FZR1: variants seen among roughly 807,000 people sequenced by gnomAD.
FZR1 encodes the protein fizzy and cell division cycle 20 related 1.
FZR1 carries 11 observed loss-of-function variants against 63.6 expected under a neutral mutation model. The observed-to-expected ratio is 0.17, with a 90% CI of 0.11 to 0.29. FZR1 has a LOEUF of 0.29. Among genes scored for constraint, FZR1 ranks in the 10% least tolerant of loss-of-function variants. FZR1 has a pLI of 1.00. For missense variants in FZR1, 440 were observed against 687.5 expected (o/e 0.64, Z 4.03); for synonymous variants, 328 against 297.9 (o/e 1.10, Z -1.04).
chr19:3,534,620 C>T, intron 13 of FZR1, 107 bp downstream of exon 13: 1 of 916,718 alleles, frequency 1.1e-6, no homozygotes, highest in Non-Finnish European at 1.7e-6. Flanking sequence ...TCCCCCACTT[C>T]CGAGCTTCCC....
At chr19:3,532,122 C>G (rs1171143490) in intron 10 of FZR1, 27 bp downstream of exon 10, 5 of 1,477,000 alleles carry the variant, frequency 3.4e-6, no homozygotes, top group South Asian at 2.6e-5. Flanking sequence ...CCTGGGCTTC[C>G]CCTTCACCAG....
Position 3,527,649 on chromosome 19 carries a change from C to T in FZR1, c.489C>T (p.Ser163=), listed in dbSNP as rs775557796. The change falls in exon 7 of 14, where the codon TCC becomes TCT. Residue 163 remains serine, a synonymous_variant. Coordinates refer to ENST00000441788, the MANE Select transcript of FZR1 (RefSeq NM_016263.4). ...TCTGCAGCCAGAAGCTGCTCCGGTC[C>T]CCCCGGAAACCCACCCGCAAGATCT... ...VSNKSQKLLR[S]PRKPTRKISK... 5.6e-6 allele frequency: 9 copies of T among 1,609,302 alleles called. No individual in the cohort carries two copies. In the Admixed American group the frequency reaches 6.7e-5, roughly 12 times the overall value.
chr19:3,507,443 T>C (rs1250859520), intron 1 of FZR1, among the ~76,000 whole-genome samples: 2 of 151,616 alleles, frequency 1.3e-5, no homozygotes, highest in Non-Finnish European at 2.9e-5. Flanking sequence ...GATATGCAGA[T>C]GTTCAGCCTA....
chr19:3,523,110 T>G, intron 2 of FZR1, 52 bp downstream of exon 2: 1 of 1,127,364 alleles, frequency 8.9e-7, no homozygotes, highest in Non-Finnish European at 1.4e-6. Context: ...CCCAGCTGCC[T>G]CTGCCCTGGC....
At position 3,529,201 on chromosome 19, in the gene FZR1, G is replaced by A. The variant is rs1056735049; in HGVS notation, c.654+1387G>A. ...GGTTGGGAGAGCGGATGGGAGAGCGGATGAGAGAGTGGATGGTTGAGCGGA... is the reference window on the plus strand; with the variant it reads ...GGTTGGGAGAGCGGATGGGAGAGCGAATGAGAGAGTGGATGGTTGAGCGGA... On this transcript the variant is annotated intron_variant, in intron 7 of 13. Coordinates refer to ENST00000441788, the MANE Select transcript of FZR1 (RefSeq NM_016263.4). Among the ~76,000 whole-genome samples, 15 of 144,946 alleles carry A rather than the reference G, an allele frequency of 1.0e-4. No individual in the cohort carries two copies. In the South Asian group the frequency reaches 1.6e-3, roughly 15 times the overall value.
At chr19:3,509,601 C>T (rs2083010258) in intron 1 of FZR1, among the ~76,000 whole-genome samples, 1 of 152,220 alleles carries the variant, frequency 6.6e-6, no homozygotes, top group African/African-American at 2.4e-5. Context: ...CTCATTCCCT[C>T]AGGAAGAAAC....
In FZR1 at chr19:3,522,983, C is replaced by G. The variant is rs754927611; in HGVS notation, c.-7C>G. The stretch of plus-strand genomic sequence containing the variant: ...TAACCTTGCCGCGGGCCGAGCCCTG[C>G]CTCGCCATGGACCAGGACTATGAGC... On this transcript the variant is annotated 5_prime_UTR_variant, in exon 2 of 14. Transcript: ENST00000441788. The G allele has an allele frequency of 2.5e-6, 4 of 1,606,146 alleles. No individual in the cohort carries two copies. Among genetic ancestry groups the G allele is most frequent in the South Asian group, 1.1e-5 (1 of 90,986 alleles).
chr19:3,531,439 C>T (rs1330711538), intron 8 of FZR1, among the ~76,000 whole-genome samples: 1 of 152,248 alleles, frequency 6.6e-6, no homozygotes. Flanking sequence ...GTTTCTCCTT[C>T]CCTCTGTGTG....
At position 3,531,891 on chromosome 19, in the gene FZR1, C is replaced by T. The variant is rs545704385; in HGVS notation, c.824-20C>T. The stretch of plus-strand genomic sequence containing the variant: ...CGCGAGGGCAGGAGAGGCTCACCCC[C>T]GCTTCCACCTGGCCTCCAGGGGCGC... On this transcript the variant is annotated intron_variant, in intron 9 of 13. Transcript: ENST00000441788. 31 of 1,581,404 alleles carry T rather than the reference C, an allele frequency of 2.0e-5. No homozygotes were observed. The highest frequency in any genetic ancestry group is 1.8e-4 in the East Asian group (8 of 43,302).
chr19:3,512,538 C>T (rs957071225), intron 1 of FZR1, among the ~76,000 whole-genome samples: 1 of 152,212 alleles, frequency 6.6e-6, no homozygotes, highest in Non-Finnish European at 1.5e-5. Context: ...CTGCTAGAAC[C>T]TTTTCATGGG....
At position 3,529,979 on chromosome 19, in the gene FZR1, GGAGTGGATGGTT is replaced by G. The variant is rs1157590899; in HGVS notation, c.655-802_655-791del. Among the ~76,000 whole-genome samples the G allele has an allele frequency of 7.4e-3, 892 of 120,966 alleles. 53 individuals are homozygous for G. Among genetic ancestry groups the G allele is most frequent in the African/African-American group, 0.026 (773 of 30,046 alleles). 79.4% of individuals were successfully genotyped at this position (120,966 alleles called of 152,430 possible). A position where few individuals can be genotyped will look rare whatever the true frequency, so the allele number is the denominator to read the frequency against. ...GCAAGAGTGGATGAGAGTGGTTGAG[GGAGTGGATGGTT>G]GAGTGGATGGGAGAGCAGATGGGTG... On this transcript the variant is annotated intron_variant, in intron 7 of 13. Coordinates refer to ENST00000441788, the MANE Select transcript of FZR1 (RefSeq NM_016263.4).
At chr19:3,519,498 C>T (rs763068540) in intron 1 of FZR1, among the ~76,000 whole-genome samples, 2 of 152,202 alleles carry the variant, frequency 1.3e-5, no homozygotes, top group African/African-American at 2.4e-5. Context: ...CGCCGCTTGG[C>T]TCTGGGACTC....
In FZR1 at chr19:3,516,242, G is replaced by A. The variant is rs750063093; in HGVS notation, c.-34-6714G>A. Among the ~76,000 whole-genome samples, 3 of 152,200 alleles carry A rather than the reference G, an allele frequency of 2.0e-5. No individual in the cohort carries two copies. Among genetic ancestry groups the A allele is most frequent in the Non-Finnish European group, 2.9e-5 (2 of 68,040 alleles). On this transcript the variant is annotated intron_variant, in intron 1 of 13. Transcript: ENST00000441788. The surrounding 1 kb of genome is among the most constrained non-coding windows in gnomAD (Gnocchi z 6.0). ...CCCCCAGCCCACAGCCTCCCCCACC[G>A]TCTGACGGGCGGGAGGGTGGTGTCC... is the stretch of plus-strand genomic sequence containing the variant.
chr19:3,513,717 G>A (rs1483662808), intron 1 of FZR1, among the ~76,000 whole-genome samples: 1 of 152,120 alleles, frequency 6.6e-6, no homozygotes, highest in Non-Finnish European at 1.5e-5. Flanking sequence ...GGCTCTGGTC[G>A]GTGTTCCCTC....
chr19:3,517,839 T>C (rs541788520), intron 1 of FZR1, among the ~76,000 whole-genome samples: 1 of 151,604 alleles, frequency 6.6e-6, no homozygotes, highest in Admixed American at 6.6e-5. Flanking sequence ...TGCTGTGATT[T>C]GTAACTAAAC....
In FZR1 at chr19:3,516,606, C is replaced by G. The variant is rs2083060486; in HGVS notation, c.-34-6350C>G. On this transcript the variant is annotated intron_variant, in intron 1 of 13. Coordinates refer to ENST00000441788, the MANE Select transcript of FZR1 (RefSeq NM_016263.4). This position sits in a 1 kb window ranked among gnomAD's most constrained non-coding sequence, Gnocchi z 6.0. ...TCCAGGTGAGGTGCCCCGGGAGGCC[C>G]CAGGCCCGGGATACAGGACCCTCCA... Among the ~76,000 whole-genome samples the G allele has an allele frequency of 6.6e-6, 1 of 152,002 alleles. No homozygotes were observed. The highest frequency in any genetic ancestry group is 2.1e-4 in the South Asian group (1 of 4,804).
rs749237224 is a variant in FZR1, at chr19:3,531,827, C to G, written c.823+11C>G. The G allele has an allele frequency of 9.0e-6, 14 of 1,549,644 alleles. No individual in the cohort carries two copies. In the Middle Eastern group the frequency reaches 2.2e-3, roughly 238 times the overall value. ...ACACGGCACGCGTCGGTGAGGAGCCCGGGTCCCATGGCTGGTGAGCTCCCT... is the reference window on the plus strand; with the variant it reads ...ACACGGCACGCGTCGGTGAGGAGCCGGGGTCCCATGGCTGGTGAGCTCCCT... On this transcript the variant is annotated intron_variant, in intron 9 of 13. Coordinates refer to ENST00000441788, the MANE Select transcript of FZR1 (RefSeq NM_016263.4).
At chr19:3,523,312 G>T (rs539964474) in intron 2 of FZR1, among the ~76,000 whole-genome samples, 5 of 152,232 alleles carry the variant, frequency 3.3e-5, no homozygotes, top group Non-Finnish European at 7.3e-5. Context: ...TGGGGCGGCC[G>T]CATGGGCAGA....
intron 12 of FZR1, 46 bp from the exon 13 acceptor site, chr19:3,534,375 G>T (rs761006156): frequency 9.3e-7 from 1 of 1,078,884 alleles, no homozygotes; most frequent in Non-Finnish European, 1.4e-6. Flanking sequence ...CTGTCCCGAG[G>T]CACCTAGAGG....
Sources: allele counts gnomAD v4.1 joint callset (sites outside exome capture counted in the v4.1 genomes callset), GRCh38; gene constraint gnomAD v4.1.1; non-coding constraint Gnocchi (gnomAD v3.1); transcripts MANE v1.5; gene names NCBI Gene and HGNC (gene_info 2026-07-23, HGNC 2026-07-21).